ZNRF3: variants seen among roughly 807,000 people sequenced by gnomAD.
The protein encoded by ZNRF3 is zinc and ring finger 3.
ZNRF3 carries 23 observed loss-of-function variants against 72.5 expected under a neutral mutation model. That is an observed-to-expected ratio of 0.32 (90% CI 0.23 to 0.45). ZNRF3 has a LOEUF of 0.45. Among genes scored for constraint, ZNRF3 ranks in the 20% least tolerant of loss-of-function variants. The probability of loss-of-function intolerance (pLI) is 1.00; values close to 1 mark genes in which losing one functional copy is unlikely to be tolerated. For missense variants in ZNRF3, 1,169 were observed against 1,272.1 expected (o/e 0.92, Z 1.23); for synonymous variants, 610 against 545.3 (o/e 1.12, Z -1.65).
intron 2 of ZNRF3, among the ~76,000 whole-genome samples, chr22:29,032,048 A>G (rs1482926690): frequency 1.3e-5 from 2 of 152,194 alleles, no homozygotes; most frequent in Non-Finnish European, 2.9e-5. Context: ...AGAGCTTCGC[A>G]CCAGGTGGGG....
At chr22:28,996,139 A>G (rs1456110975) in intron 2 of ZNRF3, among the ~76,000 whole-genome samples, 2 of 152,068 alleles carry the variant, frequency 1.3e-5, no homozygotes, top group African/African-American at 4.8e-5. Flanking sequence ...GGGTCTTACT[A>G]TGTTGCCCAG....
chr22:28,890,175 T>C (rs1470510077), intron 1 of ZNRF3, among the ~76,000 whole-genome samples: 1 of 152,236 alleles, frequency 6.6e-6, no homozygotes, highest in Non-Finnish European at 1.5e-5. Flanking sequence ...CTGGTTCCCA[T>C]AGACCCACTG....
At chr22:28,892,620 A>G (rs777235471) in intron 1 of ZNRF3, among the ~76,000 whole-genome samples, 1 of 152,220 alleles carries the variant, frequency 6.6e-6, no homozygotes, top group South Asian at 2.1e-4. Flanking sequence ...TTTACTCATG[A>G]TAGTGTCAAA....
intron 1 of ZNRF3, among the ~76,000 whole-genome samples, chr22:28,931,823 C>T (rs1355458864): frequency 1.3e-5 from 2 of 152,202 alleles, no homozygotes; most frequent in Non-Finnish European, 1.5e-5. Flanking sequence ...CTCTTCCTGC[C>T]CAGTTCCACT....
Position 29,049,397 on chromosome 22 carries a change from A to T in ZNRF3, c.1216A>T (p.Ser406Cys). 1 of 1,611,266 alleles carries T rather than the reference A, an allele frequency of 6.2e-7. No homozygotes were observed. The highest frequency in any genetic ancestry group is 1.1e-5 in the South Asian group (1 of 91,014). ...GACCATGGACCGGCACGGGGAGCAG[A>T]GCCTCTATTCCCCGCAGACCCCCGC... Reference protein sequence around the residue: ...LLTMDRHGEQSLYSPQTPAYI... With the variant: ...LLTMDRHGEQCLYSPQTPAYI... The change falls in exon 8 of 9, where the codon AGC becomes TGC. Residue 406 changes from serine (S) to cysteine (C), a missense_variant. Ser to Cys is a moderately radical substitution (Grantham distance 112, BLOSUM62 -1). Coordinates refer to ENST00000544604, the MANE Select transcript of ZNRF3 (RefSeq NM_001206998.2). The surrounding 1 kb of genome is among the most constrained non-coding windows in gnomAD (Gnocchi z 5.2).
intron 1 of ZNRF3, among the ~76,000 whole-genome samples, chr22:28,899,426 CAG>C: frequency 6.6e-6 from 1 of 152,144 alleles, no homozygotes; most frequent in Non-Finnish European, 1.5e-5. Flanking sequence ...CTACAGACAA[CAG>C]AGTTGGCACA....
In ZNRF3 at chr22:29,048,921, G is replaced by A. The variant is rs1346563101; in HGVS notation, c.1016-276G>A. On this transcript the variant is annotated intron_variant, in intron 7 of 8. Coordinates refer to ENST00000544604, the MANE Select transcript of ZNRF3 (RefSeq NM_001206998.2). The surrounding 1 kb of genome is among the most constrained non-coding windows in gnomAD (Gnocchi z 4.9). ...GGGATGGAGGGACACTGGCATCTTTGAATCCGATTCTTTTCTGCAGACTTC... is the reference window on the plus strand; with the variant it reads ...GGGATGGAGGGACACTGGCATCTTTAAATCCGATTCTTTTCTGCAGACTTC... 1.3e-5 allele frequency among the ~76,000 whole-genome samples: 2 copies of A among 152,168 alleles called. No homozygotes were observed. The highest frequency in any genetic ancestry group is 2.9e-5 in the Non-Finnish European group (2 of 68,036).
rs549885270 is a variant in ZNRF3 at position 28,999,828 on chromosome 22, C to G, written c.426+12627C>G. On this transcript the variant is annotated intron_variant, in intron 2 of 8. Coordinates refer to ENST00000544604, the MANE Select transcript of ZNRF3 (RefSeq NM_001206998.2). ...TGTATAGCACCTGTGCAGGAGAGCA[C>G]CACACCCCTAACCTCGGTGACATAA... is the stretch of plus-strand genomic sequence containing the variant. 1.9e-4 allele frequency among the ~76,000 whole-genome samples: 29 copies of G among 152,230 alleles called. No individual in the cohort carries two copies. The South Asian group carries it at 6.0e-3, about 32-fold the overall frequency.
intron 5 of ZNRF3, 145 bp downstream of exon 5, chr22:29,045,035 T>G: frequency 1.6e-6 from 1 of 640,154 alleles, no homozygotes; most frequent in Non-Finnish European, 2.8e-6. Context: ...CTGTTCCCAG[T>G]GGCCTAGAAA....
At chr22:28,994,691 C>T (rs1432240408) in intron 2 of ZNRF3, among the ~76,000 whole-genome samples, 1 of 152,034 alleles carries the variant, frequency 6.6e-6, no homozygotes, top group Non-Finnish European at 1.5e-5. Context: ...TGCTTAATGC[C>T]ACTGAACTGT....
At chr22:28,967,339 G>C (rs1450266601) in intron 1 of ZNRF3, among the ~76,000 whole-genome samples, 1 of 152,144 alleles carries the variant, frequency 6.6e-6, no homozygotes, top group African/African-American at 2.4e-5. Context: ...GTACAGCCTA[G>C]GTGTGTAGTA....
intron 1 of ZNRF3, among the ~76,000 whole-genome samples, chr22:28,926,285 C>A (rs2034598830): frequency 6.6e-6 from 1 of 152,108 alleles, no homozygotes; most frequent in Non-Finnish European, 1.5e-5. Flanking sequence ...CTGGGTGGGA[C>A]TTCTGGTGGG....
chr22:29,011,011 C>CT (rs2036338245), intron 2 of ZNRF3, among the ~76,000 whole-genome samples: 1 of 152,188 alleles, frequency 6.6e-6, no homozygotes, highest in South Asian at 2.1e-4. Flanking sequence ...TCCATTTTTT[C>CT]TTTCGTCACC....
Position 28,899,571 on chromosome 22 carries a change from A to G in ZNRF3, c.300+15505A>G, listed in dbSNP as rs930171521. On this transcript the variant is annotated intron_variant, in intron 1 of 8. Transcript: ENST00000544604. ...TGGGATGGGGGCAGAATAGTTTTGA[A>G]TATTCCAAGTAAACTTATTCCCTAT... Among the ~76,000 whole-genome samples, 4 of 152,292 alleles carry G rather than the reference A, an allele frequency of 2.6e-5. No individual in the cohort carries two copies. The South Asian group carries it at 8.3e-4, about 32-fold the overall frequency.
rs1452418565 is a variant in ZNRF3, at chr22:28,972,270, CCT to C, written c.301-14805_301-14804del. 2.0e-5 allele frequency among the ~76,000 whole-genome samples: 3 copies of C among 152,322 alleles called. No homozygotes were observed. The East Asian group carries it at 5.8e-4, about 29-fold the overall frequency. On this transcript the variant is annotated intron_variant, in intron 1 of 8. Coordinates refer to ENST00000544604, the MANE Select transcript of ZNRF3 (RefSeq NM_001206998.2). ...CCCTGTACCTTTTAACTCTCACTCC[CCT>C]GTCTTCCCATTCTTCTACCTCCCCA...
chr22:28,892,167 C>T (rs1015454711), intron 1 of ZNRF3, among the ~76,000 whole-genome samples: 1 of 152,232 alleles, frequency 6.6e-6, no homozygotes, highest in Non-Finnish European at 1.5e-5. Flanking sequence ...ACCACGAGTG[C>T]TACATGCCTC....
chr22:28,903,560 A>T (rs1331345862), intron 1 of ZNRF3, among the ~76,000 whole-genome samples: 1 of 151,808 alleles, frequency 6.6e-6, no homozygotes, highest in Non-Finnish European at 1.5e-5. Context: ...GGAGAGCAGA[A>T]TTTTTTTTTA....
intron 2 of ZNRF3, among the ~76,000 whole-genome samples, chr22:29,011,944 G>C (rs570748438): frequency 1.3e-5 from 2 of 152,284 alleles, no homozygotes; most frequent in South Asian, 2.1e-4. Flanking sequence ...ATCCTCTTTT[G>C]GGAAAGAAGC....
chr22:29,024,062 A>G (rs2036582145), intron 2 of ZNRF3, among the ~76,000 whole-genome samples: 1 of 152,184 alleles, frequency 6.6e-6, no homozygotes, highest in African/African-American at 2.4e-5. Context: ...CTAACAGGAA[A>G]GGCTCTGGGT....
Sources: gnomAD v4.1 joint callset for allele counts (sites outside exome capture counted in the v4.1 genomes callset) on GRCh38, gnomAD v4.1.1 for gene constraint, Gnocchi (gnomAD v3.1) non-coding constraint, MANE v1.5 for transcripts, NCBI Gene and HGNC (gene_info 2026-07-23, HGNC 2026-07-21) for gene names.